The following UGT8 variants were observed in gnomAD, a reference collection of about 807,000 sequenced individuals.
UGT8 encodes the protein UDP glycosyltransferase 8.
A neutral mutation model predicts 40.5 loss-of-function variants in UGT8; 12 were observed. That is an observed-to-expected ratio of 0.30 (90% CI 0.19 to 0.48). The LOEUF (loss-of-function observed/expected upper bound fraction) is 0.48. Ranked by LOEUF, UGT8 falls within the 20% of genes least tolerant of loss-of-function variation. UGT8 has a pLI of 0.99. For synonymous variants in UGT8, 224 were observed against 240.4 expected (o/e 0.93, Z 0.63); for missense variants, 513 against 648.7 (o/e 0.79, Z 2.27).
At chr4:114,663,898 AT>A (rs1462357804) in intron 2 of UGT8, 96 bp from the exon 3 acceptor site, 1 of 1,525,252 alleles carries the variant, frequency 6.6e-7, no homozygotes, top group African/African-American at 1.4e-5. Context: ...GTTTAAGAAA[AT>A]TACTTAAAAG....
chr4:114,615,437 C>T (rs752161510), intron 1 of UGT8, among the ~76,000 whole-genome samples: 19 of 152,158 alleles, frequency 1.2e-4, no homozygotes, highest in Non-Finnish European at 2.5e-4. Flanking sequence ...CTGAAAATCC[C>T]ACATCCTGGG....
intron 3 of UGT8, among the ~76,000 whole-genome samples, chr4:114,664,419 C>G: frequency 6.6e-6 from 1 of 152,062 alleles, no homozygotes; most frequent in African/African-American, 2.4e-5. Flanking sequence ...CAGAGTTCTA[C>G]CCTCGTTTAC....
chr4:114,665,419 A>T (rs553972550), intron 3 of UGT8: 1 of 985,130 alleles, frequency 1.0e-6, no homozygotes, highest in Non-Finnish European at 1.2e-6. Context: ...CCATCTCTGT[A>T]TGTGTATAGG....
intron 2 of UGT8, among the ~76,000 whole-genome samples, chr4:114,644,912 A>G (rs1387006525): frequency 6.6e-6 from 1 of 152,158 alleles, no homozygotes; most frequent in African/African-American, 2.4e-5. Flanking sequence ...ATACATTCAA[A>G]TCTTTATGTC....
Position 114,665,386 on chromosome 4 carries a change from G to T in UGT8, c.966-294G>T, listed in dbSNP as rs539018213. Reference sequence around the variant, plus strand: ...TCTAGTGTAGGTTTATTTGTTTGTTGTTTGTTTGTTTGTTTGTTTTTCCCA... The same window carrying T: ...TCTAGTGTAGGTTTATTTGTTTGTTTTTTGTTTGTTTGTTTGTTTTTCCCA... On this transcript the variant is annotated intron_variant, in intron 3 of 5. Transcript: ENST00000310836. 2,107 of 981,718 alleles carry T rather than the reference G, an allele frequency of 2.1e-3. 9 individuals carry two copies. Among genetic ancestry groups the T allele is most frequent in the Middle Eastern group, 0.012 (23 of 1,902 alleles). The allele number at this position is 981,718 out of a possible 1,614,324, so 60.8% of individuals were successfully genotyped here. A position where few individuals can be genotyped will look rare whatever the true frequency, so the allele number is the denominator to read the frequency against.
chr4:114,605,481 G>A (rs1243792023), intron 1 of UGT8, among the ~76,000 whole-genome samples: 1 of 152,090 alleles, frequency 6.6e-6, no homozygotes, highest in African/African-American at 2.4e-5. Flanking sequence ...TGGTAAATAT[G>A]TGCTTGATTT....
intron 2 of UGT8, among the ~76,000 whole-genome samples, chr4:114,642,163 C>T (rs757004956): frequency 6.6e-5 from 10 of 151,704 alleles, no homozygotes; most frequent in African/African-American, 9.7e-5. Flanking sequence ...GATGCAGCAA[C>T]GTGTAGCTGA....
chr4:114,665,182 A>G (rs959099515), intron 3 of UGT8, among the ~76,000 whole-genome samples: 2 of 152,094 alleles, frequency 1.3e-5, no homozygotes, highest in African/African-American at 4.8e-5. Flanking sequence ...TATGTGCTTC[A>G]CCCCACAAAA....
chr4:114,662,833 T>G (rs1315904019), intron 2 of UGT8, among the ~76,000 whole-genome samples: 1 of 139,820 alleles, frequency 7.2e-6, no homozygotes, highest in Non-Finnish European at 1.5e-5. Context: ...TTTTTTTTTT[T>G]TTTTTTTTTT....
At chr4:114,667,207 A>G (rs1225992208) in intron 4 of UGT8, among the ~76,000 whole-genome samples, 1 of 152,152 alleles carries the variant, frequency 6.6e-6, no homozygotes, top group Non-Finnish European at 1.5e-5. Flanking sequence ...CATTGAGACC[A>G]TGGTTCCCAT....
At chr4:114,647,338 T>G (rs1026856031) in intron 2 of UGT8, among the ~76,000 whole-genome samples, 4 of 149,216 alleles carry the variant, frequency 2.7e-5, no homozygotes, top group Non-Finnish European at 4.4e-5. Context: ...TCTAAACAAT[T>G]TACATGAATT....
At chr4:114,655,683 A>T (rs1734141612) in intron 2 of UGT8, among the ~76,000 whole-genome samples, 1 of 152,062 alleles carries the variant, frequency 6.6e-6, no homozygotes, top group African/African-American at 2.4e-5. Context: ...AAACATTGAT[A>T]TATATTTTGT....
At chr4:114,643,686 A>G (rs1360452464) in intron 2 of UGT8, among the ~76,000 whole-genome samples, 2 of 152,152 alleles carry the variant, frequency 1.3e-5, no homozygotes, top group Non-Finnish European at 2.9e-5. Context: ...TTTTTACATC[A>G]GTTTCTCAGG....
chr4:114,637,647 C>T (rs1732968300), intron 2 of UGT8, among the ~76,000 whole-genome samples: 1 of 152,030 alleles, frequency 6.6e-6, no homozygotes, highest in African/African-American at 2.4e-5. Context: ...AAAATAAATG[C>T]CAAAATGTCC....
intron 2 of UGT8, among the ~76,000 whole-genome samples, chr4:114,659,830 A>G (rs530591762): frequency 6.6e-6 from 1 of 152,356 alleles, no homozygotes; most frequent in Non-Finnish European, 1.5e-5. Context: ...AATAAAATCT[A>G]ACATTGCAAA....
intron 2 of UGT8, among the ~76,000 whole-genome samples, chr4:114,647,478 G>A (rs1037368530): frequency 1.3e-5 from 2 of 151,426 alleles, no homozygotes; most frequent in Non-Finnish European, 2.9e-5. Flanking sequence ...CGATTCTCCT[G>A]CCTCAGCCTC....
Position 114,611,403 on chromosome 4 carries a change from CATATATATATATATAT to C in UGT8, c.-2-11448_-2-11433del, listed in dbSNP as rs60533468. On this transcript the variant is annotated intron_variant, in intron 1 of 5. Transcript: ENST00000310836. ...GTAGGATAACATAGCCATATATATC[CATATATATATATATAT>C]ATATATATATATATATATATATATA... Among the ~76,000 whole-genome samples the C allele has an allele frequency of 4.2e-3, 441 of 106,258 alleles. 3 individuals are homozygous for C. The highest frequency in any genetic ancestry group is 0.028 in the South Asian group (110 of 3,890). The allele number at this position is 106,258 out of a possible 152,430, so 69.7% of individuals were successfully genotyped here. A position where few individuals can be genotyped will look rare whatever the true frequency, so the allele number is the denominator to read the frequency against.
At chr4:114,640,669 G>A (rs999832014) in intron 2 of UGT8, among the ~76,000 whole-genome samples, 5 of 152,098 alleles carry the variant, frequency 3.3e-5, no homozygotes, top group African/African-American at 9.7e-5. Context: ...GGGAAATGTG[G>A]AAACTTCCAC....
At chr4:114,611,403 CATATATATATATATATATATATATATAT>C (rs60533468) in intron 1 of UGT8, among the ~76,000 whole-genome samples, 17 of 106,298 alleles carry the variant, frequency 1.6e-4, no homozygotes, top group African/African-American at 2.7e-4. Context: ...CATATATATC[CATATATATATATATATATATATATATAT>C]ATATATATAT....
Sources: gnomAD v4.1 joint callset for allele counts (sites outside exome capture counted in the v4.1 genomes callset) on GRCh38, gnomAD v4.1.1 for gene constraint, MANE v1.5 for transcripts, NCBI Gene and HGNC (gene_info 2026-07-23, HGNC 2026-07-21) for gene names.